RALYL: variants seen among roughly 807,000 people sequenced by gnomAD.
RALYL encodes RNA-binding Raly-like protein.
In RALYL, 29 loss-of-function variants were observed where a neutral mutation model predicts 35.1. The observed-to-expected ratio is 0.83, with a 90% CI of 0.61 to 1.13. The LOEUF (loss-of-function observed/expected upper bound fraction) is 1.13, where lower values mean the gene tolerates loss of function less well. RALYL is among the 50% of genes most tolerant of loss of function. The pLI is 0.00. For synonymous variants in RALYL, 120 were observed against 127.6 expected (o/e 0.94, Z 0.40); for missense variants, 359 against 360.4 (o/e 1.00, Z 0.03).
intron 1 of RALYL, among the ~76,000 whole-genome samples, chr8:84,314,509 A>T (rs949670094): frequency 6.6e-6 from 1 of 152,062 alleles, no homozygotes; most frequent in Admixed American, 6.6e-5. Flanking sequence ...ACCAAAAAAG[A>T]TCTTCTCAAT....
At chr8:84,506,397 T>C (rs2057168949) in intron 1 of RALYL, among the ~76,000 whole-genome samples, 1 of 91,278 alleles carries the variant, frequency 1.1e-5, no homozygotes. Context: ...ATCCATAAGT[T>C]AATTCATAGA....
At position 84,310,004 on chromosome 8, in the gene RALYL, G is replaced by A. The variant is rs572680641; in HGVS notation, c.-24+125580G>A. On this transcript the variant is annotated intron_variant, in intron 1 of 8. Transcript: ENST00000521268. ...GGGCTCCCAAAGTGCTGAAATTACA[G>A]GCGTGAGCCACAGCACCTAGCTGCT... 7.2e-4 allele frequency among the ~76,000 whole-genome samples: 110 copies of A among 152,120 alleles called. 4 individuals are homozygous for A. The South Asian group carries it at 0.022, about 31-fold the overall frequency.
rs568857608 is a variant in RALYL at position 84,865,641 on chromosome 8, G to A, written c.571+3188G>A. 2.0e-5 allele frequency among the ~76,000 whole-genome samples: 3 copies of A among 152,168 alleles called. No individual in the cohort carries two copies. In the East Asian group the frequency reaches 5.8e-4, roughly 29 times the overall value. On this transcript the variant is annotated intron_variant, in intron 6 of 8. Transcript: ENST00000521268. ...AAAGAAAATGTGACATTGCAGATTA[G>A]CATTTTACAAAAGAGAAAACATGAA...
At chr8:84,434,454 T>A (rs765548634) in intron 1 of RALYL, among the ~76,000 whole-genome samples, 1 of 152,110 alleles carries the variant, frequency 6.6e-6, no homozygotes, top group Non-Finnish European at 1.5e-5. Flanking sequence ...TTCAAAAGTA[T>A]ATGAGGTGAC....
In RALYL at chr8:84,524,319, A is replaced by G. The variant is rs191284353; in HGVS notation, c.-23-4980A>G. ...ATGAACAGACATTTCTCAAAAGAAGACATTTATGCAGCCAAAAAACACATG... is the reference window on the plus strand; with the variant it reads ...ATGAACAGACATTTCTCAAAAGAAGGCATTTATGCAGCCAAAAAACACATG... On this transcript the variant is annotated intron_variant, in intron 1 of 8. Coordinates refer to ENST00000521268, the MANE Select transcript of RALYL (RefSeq NM_173848.7). Among the ~76,000 whole-genome samples the G allele has an allele frequency of 2.4e-3, 369 of 152,302 alleles. 2 individuals are homozygous for G. The highest frequency in any genetic ancestry group is 8.6e-3 in the African/African-American group (356 of 41,566).
intron 4 of RALYL, among the ~76,000 whole-genome samples, chr8:84,817,364 G>A (rs962015026): frequency 1.3e-5 from 2 of 151,944 alleles, no homozygotes; most frequent in Non-Finnish European, 2.9e-5. Flanking sequence ...TTTAGTAACA[G>A]ATGCTATATA....
At chr8:84,671,883 T>G (rs1185821494) in intron 2 of RALYL, among the ~76,000 whole-genome samples, 1 of 152,216 alleles carries the variant, frequency 6.6e-6, no homozygotes, top group African/African-American at 2.4e-5. Flanking sequence ...CTATGCAAAT[T>G]TATGCAGCCA....
chr8:84,642,293 G>A (rs1448561674), intron 2 of RALYL, among the ~76,000 whole-genome samples: 1 of 151,928 alleles, frequency 6.6e-6, no homozygotes, highest in Non-Finnish European at 1.5e-5. Context: ...TGCCCTGATA[G>A]GTAATCCAAG....
intron 1 of RALYL, among the ~76,000 whole-genome samples, chr8:84,246,523 A>G (rs1829133604): frequency 6.6e-6 from 1 of 152,162 alleles, no homozygotes; most frequent in African/African-American, 2.4e-5. Flanking sequence ...TTTTCCAGGT[A>G]TAGAAAGAAG....
chr8:84,413,953 A>G (rs564009063), intron 1 of RALYL, among the ~76,000 whole-genome samples: 15 of 152,116 alleles, frequency 9.9e-5, no homozygotes, highest in Admixed American at 8.5e-4. Flanking sequence ...GGGTTTTTCT[A>G]TTTACTGAAA....
At chr8:84,674,874 T>C (rs1833900958) in intron 2 of RALYL, among the ~76,000 whole-genome samples, 1 of 152,120 alleles carries the variant, frequency 6.6e-6, no homozygotes, top group Non-Finnish European at 1.5e-5. Flanking sequence ...CCAAATTGTA[T>C]ACAAAGTAAG....
At chr8:84,350,350 G>A (rs1008752498) in intron 1 of RALYL, among the ~76,000 whole-genome samples, 1 of 150,566 alleles carries the variant, frequency 6.6e-6, no homozygotes, top group Non-Finnish European at 1.5e-5. Context: ...TGCAGAAATA[G>A]TTGCTGTTGA....
intron 2 of RALYL, among the ~76,000 whole-genome samples, chr8:84,757,887 T>A (rs1038341590): frequency 1.3e-5 from 2 of 152,174 alleles, no homozygotes; most frequent in African/African-American, 2.4e-5. Flanking sequence ...GTAAAAAACC[T>A]ATTAATTAAT....
intron 1 of RALYL, among the ~76,000 whole-genome samples, chr8:84,485,736 A>C (rs2054542330): frequency 6.6e-6 from 1 of 152,106 alleles, no homozygotes; most frequent in Non-Finnish European, 1.5e-5. Context: ...AAGATTCAAA[A>C]TCTTTGGAAA....
rs576451331 is a variant in RALYL at position 84,288,642 on chromosome 8, T to A, written c.-24+104218T>A. On this transcript the variant is annotated intron_variant, in intron 1 of 8. Coordinates refer to ENST00000521268, the MANE Select transcript of RALYL (RefSeq NM_173848.7). ...TTTGAAATAATAATTCACTAACAGA[T>A]GTTAACCCCATGAATGAGAAGAGAT... is the stretch of plus-strand genomic sequence containing the variant. Among the ~76,000 whole-genome samples, 4 of 152,300 alleles carry A rather than the reference T, an allele frequency of 2.6e-5. No individual in the cohort carries two copies. The East Asian group carries it at 7.7e-4, about 29-fold the overall frequency.
intron 1 of RALYL, among the ~76,000 whole-genome samples, chr8:84,431,498 C>A (rs1196426746): frequency 6.6e-6 from 1 of 152,110 alleles, no homozygotes; most frequent in Non-Finnish European, 1.5e-5. Flanking sequence ...AAAAGATAGT[C>A]CTCCTATCTA....
chr8:84,599,346 T>C (rs1375926157), intron 2 of RALYL, among the ~76,000 whole-genome samples: 2 of 152,016 alleles, frequency 1.3e-5, no homozygotes, highest in Non-Finnish European at 2.9e-5. Flanking sequence ...TAATATGTCA[T>C]AGCATCACTT....
intron 1 of RALYL, among the ~76,000 whole-genome samples, chr8:84,503,597 T>A (rs1272123934): frequency 6.6e-6 from 1 of 152,082 alleles, no homozygotes; most frequent in Non-Finnish European, 1.5e-5. Flanking sequence ...ACACCTGTAA[T>A]CCCAGCACTT....
At chr8:84,585,664 G>T (rs544850623) in intron 2 of RALYL, among the ~76,000 whole-genome samples, 11 of 152,124 alleles carry the variant, frequency 7.2e-5, no homozygotes, top group African/African-American at 2.7e-4. Flanking sequence ...ACTAAATGTT[G>T]TTTGCATTGA....
Sources: gnomAD v4.1 joint callset for allele counts (sites outside exome capture counted in the v4.1 genomes callset) on GRCh38, gnomAD v4.1.1 for gene constraint, MANE v1.5 for transcripts, NCBI Gene and HGNC (gene_info 2026-07-23, HGNC 2026-07-21) for gene names.